GRHL3: variants seen among roughly 807,000 people sequenced by gnomAD.
The protein encoded by GRHL3 is grainyhead-like protein 3 homolog.
GRHL3 carries 20 observed loss-of-function variants against 70.3 expected under a neutral mutation model. The ratio of observed to expected loss-of-function variants is 0.28; its 90% CI spans 0.20 to 0.41. GRHL3 has a LOEUF of 0.41. GRHL3 is among the 10% of genes least tolerant of loss of function. GRHL3 has a pLI of 1.00. For missense variants in GRHL3, 637 were observed against 762.3 expected, an observed-to-expected ratio of 0.84 and a Z score of 1.94; for synonymous variants, 299 against 299.9, an observed-to-expected ratio of 1.00 and a Z score of 0.03.
At position 24,331,436 on chromosome 1, in the gene GRHL3, G is replaced by A. The variant is rs752023859; in HGVS notation, c.28G>A (p.Val10Met). MSNELDFRS[V>M]RLLKNDPVNL... is the part of the protein sequence containing the mutation. ...CTTACTTGCATTCAGTTTCAGGTCT[G>A]TGCGGCTGCTAAAGAACGACCCAGT... Residue 10 changes from valine to methionine, a missense_variant, in exon 2 of 16, where the codon GTG becomes ATG. By Grantham distance (21) the Val-to-Met change is conservative (BLOSUM62 1). Transcript: ENST00000361548. The A allele has an allele frequency of 1.9e-6, 3 of 1,612,546 alleles. No homozygotes were observed.
chr1:24,337,304 C>T (rs1043673880), intron 5 of GRHL3, among the ~76,000 whole-genome samples, 153 bp downstream of exon 5: 1 of 152,204 alleles, frequency 6.6e-6, no homozygotes, highest in Admixed American at 6.5e-5. Flanking sequence ...GAATGATTCC[C>T]ACATCCTGTC....
At chr1:24,361,617 A>G (rs536577) in intron 15 of GRHL3, among the ~76,000 whole-genome samples, 108,867 of 151,848 alleles carry the variant, frequency 0.72, 39,230 homozygotes, top group East Asian at 0.87. Flanking sequence ...ACTAAATATC[A>G]TCCTGGGGAG....
At chr1:24,346,231 G>A (rs562261296) in intron 12 of GRHL3, among the ~76,000 whole-genome samples, 4 of 151,908 alleles carry the variant, frequency 2.6e-5, no homozygotes, top group Admixed American at 6.6e-5. Flanking sequence ...TGTTCTAAGC[G>A]CAGTGAGCAT....
At chr1:24,357,857 G>A, downstream of GRHL3, 4 of 307,848 alleles carry the variant, frequency 1.3e-5, no homozygotes, top group South Asian at 1.3e-4. Flanking sequence ...CCCGCCAGCA[G>A]AGAAAGTCAG....
In GRHL3 at chr1:24,354,992, T is replaced by C. The variant is rs1640661197; in HGVS notation, c.*504T>C. Reference sequence around the variant, plus strand: ...CAAATGACTTTTAAAAGACACTATATTGGAGTCTCTTTCTCAGACTTCCTC... The same window carrying C: ...CAAATGACTTTTAAAAGACACTATACTGGAGTCTCTTTCTCAGACTTCCTC... On this transcript the variant is annotated 3_prime_UTR_variant, in exon 16 of 16. Coordinates refer to ENST00000361548, the MANE Select transcript of GRHL3 (RefSeq NM_198173.3). 1 of 154,626 alleles carries C rather than the reference T, an allele frequency of 6.5e-6. No individual in the cohort carries two copies. The highest frequency in any genetic ancestry group is 1.4e-5 in the Non-Finnish European group (1 of 69,360). The allele number at this position is 154,626 out of a possible 1,614,324, so 9.6% of individuals were successfully genotyped here.
At chr1:24,331,320 T>G in intron 1 of GRHL3, 106 bp from the exon 2 acceptor site, 1 of 1,047,344 alleles carries the variant, frequency 9.5e-7, no homozygotes. Context: ...CAGTTTCATG[T>G]TTTCAAAGCT....
intron 15 of GRHL3, among the ~76,000 whole-genome samples, chr1:24,351,239 G>A (rs977580250): frequency 6.6e-6 from 1 of 152,162 alleles, no homozygotes; most frequent in Admixed American, 6.5e-5. Flanking sequence ...GCAAAGCGAG[G>A]CAAGTTTTGT....
At chr1:24,354,163 T>C (rs1260550635) in intron 15 of GRHL3, among the ~76,000 whole-genome samples, 1 of 151,494 alleles carries the variant, frequency 6.6e-6, no homozygotes, top group African/African-American at 2.4e-5. Context: ...CTGGGTTGGG[T>C]TGTGGCTCGG....
chr1:24,334,204 C>T lies in GRHL3; in HGVS notation c.205-441C>T, dbSNP rs769348612. Among the ~76,000 whole-genome samples the T allele has an allele frequency of 4.6e-5, 7 of 152,102 alleles. No individual in the cohort carries two copies. Among genetic ancestry groups the T allele is most frequent in the African/African-American group, 1.4e-4 (6 of 41,414 alleles). On this transcript the variant is annotated intron_variant, in intron 2 of 15. Coordinates refer to ENST00000361548, the MANE Select transcript of GRHL3 (RefSeq NM_198173.3). The surrounding 1 kb of genome is among the most constrained non-coding windows in gnomAD (Gnocchi z 4.3). Reference sequence around the variant, plus strand: ...GAGCAAGTGTATTAGTCTGTTCTCACGCTGCTAATAAAGACATACCCAGGA... The same window carrying T: ...GAGCAAGTGTATTAGTCTGTTCTCATGCTGCTAATAAAGACATACCCAGGA...
chr1:24,334,581 G>A lies in GRHL3; in HGVS notation c.205-64G>A. ...CCCTGCCTGGCCAAAGCTGCAGGAG[G>A]GGATTGAGGCTCCTACCAGCAGAAG... On this transcript the variant is annotated intron_variant, in intron 2 of 15. Coordinates refer to ENST00000361548, the MANE Select transcript of GRHL3 (RefSeq NM_198173.3). This position sits in a 1 kb window ranked among gnomAD's most constrained non-coding sequence, Gnocchi z 4.3. 2 of 1,344,096 alleles carry A rather than the reference G, an allele frequency of 1.5e-6. No homozygotes were observed. Among genetic ancestry groups the A allele is most frequent in the Non-Finnish European group, 2.1e-6 (2 of 941,338 alleles). The allele number at this position is 1,344,096 out of a possible 1,614,324, so 83.3% of individuals were successfully genotyped here.
At chr1:24,327,227 T>C (rs1202331491) in intron 1 of GRHL3, among the ~76,000 whole-genome samples, 1 of 152,212 alleles carries the variant, frequency 6.6e-6, no homozygotes, top group Admixed American at 6.5e-5. Context: ...CTCTCCATTA[T>C]CTTACTATGT....
chr1:24,346,717 T>C, intron 13 of GRHL3, 76 bp downstream of exon 13: 1 of 1,163,520 alleles, frequency 8.6e-7, no homozygotes, highest in South Asian at 1.3e-5. Flanking sequence ...TCCCAAAGCC[T>C]CCTTGGGGTG....
chr1:24,354,423 G>T lies in GRHL3; in HGVS notation c.1744G>T (p.Val582Phe), dbSNP rs375095072. The T allele has an allele frequency of 1.9e-6, 3 of 1,613,914 alleles. No homozygotes were observed. The highest frequency in any genetic ancestry group is 2.5e-6 in the Non-Finnish European group (3 of 1,179,878). The change falls in exon 16 of 16, where the codon GTC becomes TTC. Residue 582 changes from valine to phenylalanine, a missense_variant. Physicochemically the swap from Val to Phe is conservative, Grantham distance 50. Coordinates refer to ENST00000361548, the MANE Select transcript of GRHL3 (RefSeq NM_198173.3). ...CATCATTCAGCATTACAGCAACCAC[G>T]TCGCCTTCCTGCTGGACATGGGGGA... is the stretch of plus-strand genomic sequence containing the variant. ...NNIIQHYSNHVAFLLDMGELD... is the reference protein window; with the variant it reads ...NNIIQHYSNHFAFLLDMGELD...
At chr1:24,348,648 A>G (rs375435143) in intron 14 of GRHL3, among the ~76,000 whole-genome samples, 7 of 152,250 alleles carry the variant, frequency 4.6e-5, no homozygotes, top group African/African-American at 1.7e-4. Flanking sequence ...AGGAATGGAG[A>G]GTTTACTACC....
chr1:24,338,877 C>G (rs1639928437), intron 7 of GRHL3, among the ~76,000 whole-genome samples: 1 of 152,170 alleles, frequency 6.6e-6, no homozygotes, highest in East Asian at 1.9e-4. Flanking sequence ...CTTCGTTTTC[C>G]TCATATGTAA....
Position 24,354,369 on chromosome 1 carries a change from TC to T in GRHL3, c.1695-3del. 6.2e-7 allele frequency: 1 copy of T among 1,605,204 alleles called. No homozygotes were observed. Among genetic ancestry groups the T allele is most frequent in the Non-Finnish European group, 8.5e-7 (1 of 1,171,970 alleles). On this transcript the variant is annotated splice_region_variant and splice_polypyrimidine_tract_variant and intron_variant, in intron 15 of 15. Transcript: ENST00000361548. ...GTTCCAACCACATCCCCTCTTCCAT[TC>T]CAGAATCTTAGTCAACATGGACAAC... is the stretch of plus-strand genomic sequence containing the variant.
In GRHL3 at chr1:24,355,080, T is replaced by C. The variant is rs1420912427; in HGVS notation, c.*592T>C. The C allele has an allele frequency of 6.5e-6, 1 of 152,734 alleles. No homozygotes were observed. The highest frequency in any genetic ancestry group is 1.5e-5 in the Non-Finnish European group (1 of 68,086). 9.5% of individuals were successfully genotyped at this position (152,734 alleles called of 1,614,324 possible). ...CAAAGTGACCGCTGTGTAAAACTACTGCCTTGCCACTCACTGTTGTATACA... is the reference window on the plus strand; with the variant it reads ...CAAAGTGACCGCTGTGTAAAACTACCGCCTTGCCACTCACTGTTGTATACA... On this transcript the variant is annotated 3_prime_UTR_variant, in exon 16 of 16. Coordinates refer to ENST00000361548, the MANE Select transcript of GRHL3 (RefSeq NM_198173.3).
At chr1:24,349,689 T>C (rs1460984122) in intron 14 of GRHL3, among the ~76,000 whole-genome samples, 1 of 152,222 alleles carries the variant, frequency 6.6e-6, no homozygotes, top group Non-Finnish European at 1.5e-5. Context: ...AGGGAAATGG[T>C]AGATGCTCTT....
Position 24,331,547 on chromosome 1 carries a change from AT to A in GRHL3, c.140del (p.Met47ArgfsTer2). ...CCCGTTGACAGCTGCCACAAAGGCC[AT>A]GATGAGAGTCAATGGAGATGATGAC... is the stretch of plus-strand genomic sequence containing the variant. Reference protein sequence around the residue: ...ENPLTAATKAMMRVNGDDDSV... With the variant: ...ENPLTAATKAXMRVNGDDDSV... On this transcript the variant is annotated frameshift_variant, in exon 2 of 16. Coordinates refer to ENST00000361548, the MANE Select transcript of GRHL3 (RefSeq NM_198173.3). LOFTEE classifies it high-confidence loss of function. 1 of 1,614,184 alleles carries A rather than the reference AT, an allele frequency of 6.2e-7. No homozygotes were observed. The highest frequency in any genetic ancestry group is 1.1e-5 in the South Asian group (1 of 91,074).
Sources: allele counts gnomAD v4.1 joint callset (sites outside exome capture counted in the v4.1 genomes callset), GRCh38; gene constraint gnomAD v4.1.1; non-coding constraint Gnocchi (gnomAD v3.1); transcripts MANE v1.5; gene names NCBI Gene and HGNC (gene_info 2026-07-23, HGNC 2026-07-21).